STX8: variants seen among roughly 807,000 people sequenced by gnomAD.
STX8 encodes the protein syntaxin 8.
A neutral mutation model predicts 37.5 loss-of-function variants in STX8; 23 were observed. That is an observed-to-expected ratio of 0.61 (90% CI 0.44 to 0.87). The LOEUF (loss-of-function observed/expected upper bound fraction) is 0.87. STX8 is among the 40% of genes least tolerant of loss of function. STX8 has a pLI of 0.00. For missense variants in STX8, 313 were observed against 284.7 expected (o/e 1.10, Z -0.71); for synonymous variants, 115 against 99.1 (o/e 1.16, Z -0.95).
chr17:9,469,481 G>A (rs1164284484), intron 6 of STX8, among the ~76,000 whole-genome samples: 1 of 152,080 alleles, frequency 6.6e-6, no homozygotes, highest in African/African-American at 2.4e-5. Context: ...GTTCATAAGT[G>A]ATAAAAGATT....
At chr17:9,476,438 TTTC>T (rs1356338011) in intron 6 of STX8, among the ~76,000 whole-genome samples, 1 of 151,942 alleles carries the variant, frequency 6.6e-6, no homozygotes, top group African/African-American at 2.4e-5. Context: ...GCGGAAGTTG[TTTC>T]TTCTTTTCTT....
chr17:9,414,685 C>A (rs1197125165), intron 6 of STX8, among the ~76,000 whole-genome samples: 3 of 150,870 alleles, frequency 2.0e-5, no homozygotes, highest in African/African-American at 7.3e-5. Context: ...CAGTCAGGCA[C>A]AAATCTGTTT....
chr17:9,451,672 GA>G (rs1187421959), intron 6 of STX8, among the ~76,000 whole-genome samples: 5 of 151,642 alleles, frequency 3.3e-5, no homozygotes. Context: ...AATATTTAAA[GA>G]AAAATAGAAA....
At chr17:9,344,238 A>T (rs1910458779) in intron 7 of STX8, among the ~76,000 whole-genome samples, 1 of 145,822 alleles carries the variant, frequency 6.9e-6, no homozygotes, top group South Asian at 2.3e-4. Flanking sequence ...GTAGGTGGGC[A>T]GTCTGCCTCT....
At chr17:9,399,865 C>CAAA (rs201703835) in intron 6 of STX8, among the ~76,000 whole-genome samples, 3 of 98,378 alleles carry the variant, frequency 3.0e-5, no homozygotes, top group Non-Finnish European at 6.6e-5. Context: ...GACTCTGTCT[C>CAAA]AAAAAAAAAA....
intron 4 of STX8, among the ~76,000 whole-genome samples, chr17:9,511,579 G>T (rs188293982): frequency 6.2e-4 from 95 of 152,104 alleles, no homozygotes; most frequent in African/African-American, 2.0e-3. Flanking sequence ...AATAAACTAG[G>T]TATAGAAGGA....
At chr17:9,408,822 C>T (rs932189194) in intron 6 of STX8, among the ~76,000 whole-genome samples, 3 of 152,148 alleles carry the variant, frequency 2.0e-5, no homozygotes, top group Non-Finnish European at 4.4e-5. Flanking sequence ...TCAGAAACAT[C>T]CTCTTCCAGA....
At chr17:9,510,061 A>T (rs1904972904) in intron 4 of STX8, among the ~76,000 whole-genome samples, 1 of 152,296 alleles carries the variant, frequency 6.6e-6, no homozygotes, top group Middle Eastern at 3.4e-3. Flanking sequence ...TAATAAAGGG[A>T]TCAATTCAAC....
chr17:9,400,510 T>C (rs1912571776), intron 6 of STX8, among the ~76,000 whole-genome samples: 1 of 151,988 alleles, frequency 6.6e-6, no homozygotes, highest in South Asian at 2.1e-4. Context: ...GTTCAAGCGA[T>C]TCTCCTGCCT....
intron 6 of STX8, among the ~76,000 whole-genome samples, chr17:9,419,771 T>A (rs1040352096): frequency 7.2e-5 from 11 of 152,174 alleles, no homozygotes; most frequent in African/African-American, 2.7e-4. Flanking sequence ...ACCTGAATTT[T>A]ACTTAAAACA....
intron 7 of STX8, among the ~76,000 whole-genome samples, chr17:9,337,520 C>A (rs1269127007): frequency 6.6e-6 from 1 of 152,140 alleles, no homozygotes; most frequent in African/African-American, 2.4e-5. Flanking sequence ...GCACACGCCA[C>A]CATGCCCCGC....
At chr17:9,453,433 G>A (rs575241778) in intron 6 of STX8, among the ~76,000 whole-genome samples, 1 of 151,528 alleles carries the variant, frequency 6.6e-6, no homozygotes, top group East Asian at 1.9e-4. Context: ...AGACAGGAAG[G>A]TATGAACTGT....
chr17:9,476,376 A>T (rs144416073), intron 6 of STX8, among the ~76,000 whole-genome samples: 46 of 152,360 alleles, frequency 3.0e-4, no homozygotes, highest in South Asian at 4.1e-4. Context: ...AGCTTAAATA[A>T]CATTAACTTT....
chr17:9,499,765 C>T (rs1270588205), intron 5 of STX8, among the ~76,000 whole-genome samples: 2 of 152,150 alleles, frequency 1.3e-5, no homozygotes, highest in African/African-American at 2.4e-5. Flanking sequence ...CCTGCGCTGC[C>T]GCTCCCCGCA....
At chr17:9,448,048 G>C (rs959540881) in intron 6 of STX8, among the ~76,000 whole-genome samples, 1 of 151,782 alleles carries the variant, frequency 6.6e-6, no homozygotes, top group African/African-American at 2.4e-5. Flanking sequence ...GGCGGTGTGC[G>C]CCTGTAGTCC....
intron 6 of STX8, among the ~76,000 whole-genome samples, chr17:9,484,662 A>AAG (rs1317621828): frequency 7.8e-5 from 1 of 12,862 alleles, no homozygotes; most frequent in Non-Finnish European, 1.4e-4. Flanking sequence ...CTAAAAATAC[A>AAG]AAAAAAAAAA....
chr17:9,274,151 CCCTCCCCTCTG>C (rs1907569854), intron 7 of STX8, among the ~76,000 whole-genome samples: 1 of 152,078 alleles, frequency 6.6e-6, no homozygotes, highest in African/African-American at 2.4e-5. Flanking sequence ...GCTTTGCCAT[CCCTCCCCTCTG>C]CATGTTAACC....
intron 7 of STX8, among the ~76,000 whole-genome samples, chr17:9,316,837 A>C (rs1416860786): frequency 1.3e-5 from 2 of 152,202 alleles, no homozygotes; most frequent in African/African-American, 4.8e-5. Context: ...GGGCCCTGTG[A>C]GATTTAACTC....
intron 3 of STX8, among the ~76,000 whole-genome samples, chr17:9,546,032 G>C (rs1424682327): frequency 6.6e-6 from 1 of 152,124 alleles, no homozygotes; most frequent in Non-Finnish European, 1.5e-5. Context: ...AAGTGGGGGC[G>C]CTGGGGGAGA....
Sources: gnomAD v4.1 joint callset for allele counts (sites outside exome capture counted in the v4.1 genomes callset) on GRCh38, gnomAD v4.1.1 for gene constraint, MANE v1.5 for transcripts, NCBI Gene and HGNC (gene_info 2026-07-23, HGNC 2026-07-21) for gene names.